The following ACKR3 variants were observed in gnomAD, a reference collection of about 807,000 sequenced individuals.
ACKR3 encodes the protein atypical chemokine receptor 3.
In ACKR3, 6 loss-of-function variants were observed where a neutral mutation model predicts 22.4. The ratio of observed to expected loss-of-function variants is 0.27; its 90% CI spans 0.15 to 0.53. ACKR3 has a LOEUF of 0.53. Ranked by LOEUF, ACKR3 falls within the 20% of genes least tolerant of loss-of-function variation. The pLI is 0.96. For synonymous variants in ACKR3, 209 were observed against 205.2 expected (o/e 1.02, Z -0.16); for missense variants, 396 against 475.2 (o/e 0.83, Z 1.55).
upstream of ACKR3, among the ~76,000 whole-genome samples, chr2:236,567,512 A>G (rs1281887338): frequency 6.6e-6 from 1 of 152,206 alleles, no homozygotes; most frequent in Non-Finnish European, 1.5e-5. Flanking sequence ...TCCTAGGGCA[A>G]TGGAATCTCG....
intron 1 of ACKR3, among the ~76,000 whole-genome samples, chr2:236,578,226 G>C (rs1311746605): frequency 1.3e-5 from 2 of 152,190 alleles, no homozygotes. Context: ...AGGCAGTCTG[G>C]CAGGACAGGG....
upstream of ACKR3, among the ~76,000 whole-genome samples, chr2:236,566,718 C>CCCTTCCCTTCCTTCCTT (rs776013246): frequency 8.7e-6 from 1 of 114,490 alleles, no homozygotes; most frequent in African/African-American, 4.1e-5. Flanking sequence ...TCCTTTCCTT[C>CCCTTCCCTTCCTTCCTT]CCTTCCTTCC....
At chr2:236,544,753 T>C in the ACKR3 span, among the ~76,000 whole-genome samples, 42 of 152,330 alleles carry the variant, frequency 2.8e-4, no homozygotes, top group African/African-American at 9.9e-4. The surrounding 1 kb of genome is among the most constrained non-coding windows in gnomAD (Gnocchi z 5.0). Flanking sequence ...GGATAATGAC[T>C]GGCTCAGACC....
chr2:236,563,825 G>A (rs962267953), upstream of ACKR3, among the ~76,000 whole-genome samples: 1 of 152,290 alleles, frequency 6.6e-6, no homozygotes, highest in Admixed American at 6.5e-5. Flanking sequence ...GAGACTGTCT[G>A]TAGGTGGGTT....
At chr2:236,544,131 A>G in the ACKR3 span, among the ~76,000 whole-genome samples, 105 of 151,142 alleles carry the variant, frequency 6.9e-4, no homozygotes, top group Non-Finnish European at 1.4e-3. The surrounding 1 kb of genome is among the most constrained non-coding windows in gnomAD (Gnocchi z 5.0). Context: ...CTGGAACTAC[A>G]GGTGCCCACC....
chr2:236,560,712 G>C, the ACKR3 span, among the ~76,000 whole-genome samples: 2 of 151,978 alleles, frequency 1.3e-5, no homozygotes, highest in East Asian at 3.9e-4. Context: ...TTTGTCTTTC[G>C]CTGCCCGTGC....
At chr2:236,551,872 C>A in the ACKR3 span, among the ~76,000 whole-genome samples, 3 of 152,126 alleles carry the variant, frequency 2.0e-5, no homozygotes, top group Non-Finnish European at 4.4e-5. Context: ...TGGGCCCACC[C>A]GACTCTGAGA....
chr2:236,563,322 G>C (rs1691109216), upstream of ACKR3, among the ~76,000 whole-genome samples: 2 of 152,164 alleles, frequency 1.3e-5, 1 homozygote, highest in South Asian at 4.1e-4. Context: ...CACAGTGTGT[G>C]GAAGCAGGGA....
chr2:236,576,144 C>A (rs1055559447), intron 1 of ACKR3, among the ~76,000 whole-genome samples: 1 of 152,198 alleles, frequency 6.6e-6, no homozygotes, highest in Admixed American at 6.5e-5. Flanking sequence ...GTTTCTTAGA[C>A]CCTGGCCTCA....
the ACKR3 span, among the ~76,000 whole-genome samples, chr2:236,553,090 C>T: frequency 1.3e-5 from 2 of 152,218 alleles, no homozygotes; most frequent in Admixed American, 6.5e-5. Flanking sequence ...TTCCAGGCCG[C>T]ACAACACCTG....
rs777648022 is a variant in ACKR3, at chr2:236,580,698, A to G, written c.233A>G (p.Asp78Gly). 2.7e-5 allele frequency: 43 copies of G among 1,614,002 alleles called. No homozygotes were observed. The highest frequency in any genetic ancestry group is 3.6e-5 in the Non-Finnish European group (43 of 1,180,036). Residue 78 changes from aspartate to glycine, a missense_variant, in exon 2 of 2, where the codon GAC (aspartate) becomes GGC (glycine). Transcript: ENST00000272928. The part of the protein sequence containing the change: ...VNIQAKTTGY[D>G]THCYILNLAI... ...ATCCAGGCCAAGACCACAGGCTATG[A>G]CACGCACTGCTACATCTTGAACCTG...
At chr2:236,576,828 T>A (rs139558234) in intron 1 of ACKR3, among the ~76,000 whole-genome samples, 70 of 152,386 alleles carry the variant, frequency 4.6e-4, no homozygotes, top group Non-Finnish European at 9.0e-4. Context: ...ACCTAATGCA[T>A]GAAAAATACC....
the ACKR3 span, among the ~76,000 whole-genome samples, chr2:236,548,546 T>A: frequency 6.6e-6 from 1 of 152,230 alleles, no homozygotes; most frequent in Non-Finnish European, 1.5e-5. The surrounding 1 kb of genome is among the most constrained non-coding windows in gnomAD (Gnocchi z 4.3). Flanking sequence ...GGGTGTGGCA[T>A]CTTGCAGGGA....
At chr2:236,542,273 T>C in the ACKR3 span, among the ~76,000 whole-genome samples, 10 of 152,230 alleles carry the variant, frequency 6.6e-5, no homozygotes, top group African/African-American at 2.2e-4. Context: ...TTTTACGCTA[T>C]AGACATTGGC....
At chr2:236,558,029 A>G in the ACKR3 span, among the ~76,000 whole-genome samples, 1 of 152,260 alleles carries the variant, frequency 6.6e-6, no homozygotes, top group Admixed American at 6.5e-5. Flanking sequence ...GAGACCAGCA[A>G]CTAAAGGCAC....
chr2:236,580,464 C>G lies in ACKR3; in HGVS notation c.-2C>G. The stretch of plus-strand genomic sequence containing the variant: ...GGTCATTTGATTGCCCGCCTCAGAA[C>G]GATGGATCTGCATCTCTTCGACTAC... On this transcript the variant is annotated 5_prime_UTR_variant, in exon 2 of 2. Transcript: ENST00000272928. The G allele has an allele frequency of 1.9e-6, 3 of 1,605,654 alleles. No homozygotes were observed. The highest frequency in any genetic ancestry group is 2.6e-6 in the Non-Finnish European group (3 of 1,172,996).
chr2:236,554,960 G>C, the ACKR3 span, among the ~76,000 whole-genome samples: 1 of 152,226 alleles, frequency 6.6e-6, no homozygotes, highest in South Asian at 2.1e-4. Flanking sequence ...TGAATGTCAA[G>C]TTTGGAAGGG....
chr2:236,537,258 G>A, the ACKR3 span, among the ~76,000 whole-genome samples: 1 of 152,236 alleles, frequency 6.6e-6, no homozygotes, highest in African/African-American at 2.4e-5. Context: ...CAGGGAGAAT[G>A]GAGGAGGCCA....
chr2:236,546,043 A>C, the ACKR3 span, among the ~76,000 whole-genome samples: 5 of 152,220 alleles, frequency 3.3e-5, no homozygotes, highest in African/African-American at 1.2e-4. This position sits in a 1 kb window ranked among gnomAD's most constrained non-coding sequence, Gnocchi z 4.9. Flanking sequence ...GACTCATTGC[A>C]TGTATTCCTG....
Sources: allele counts gnomAD v4.1 joint callset (sites outside exome capture counted in the v4.1 genomes callset), GRCh38; gene constraint gnomAD v4.1.1; non-coding constraint Gnocchi (gnomAD v3.1); transcripts MANE v1.5; gene names NCBI Gene and HGNC (gene_info 2026-07-23, HGNC 2026-07-21).